Variants in PDE4D observed in about 807,000 individuals in gnomAD.
PDE4D encodes the protein phosphodiesterase 4D.
PDE4D carries 24 observed loss-of-function variants against 87.4 expected under a neutral mutation model. The ratio of observed to expected loss-of-function variants is 0.27; its 90% CI spans 0.20 to 0.39. The LOEUF (loss-of-function observed/expected upper bound fraction) is 0.39. Among genes scored for constraint, PDE4D ranks in the 10% least tolerant of loss-of-function variants. The pLI, the probability that PDE4D is intolerant of heterozygous loss-of-function variation, is 1.00. For synonymous variants in PDE4D, 384 were observed against 383.2 expected, an observed-to-expected ratio of 1.00 and a Z score of -0.02; for missense variants, 714 against 1,041.0, an observed-to-expected ratio of 0.69 and a Z score of 4.32.
intron 1 of PDE4D, among the ~76,000 whole-genome samples, chr5:60,194,142 A>G (rs1479035351): frequency 6.6e-6 from 1 of 151,322 alleles, no homozygotes; most frequent in Non-Finnish European, 1.5e-5. Context: ...AAGCTATTTG[A>G]AAAAAAATGT....
chr5:60,140,896 C>T (rs1582839654), intron 2 of PDE4D, among the ~76,000 whole-genome samples: 2 of 152,272 alleles, frequency 1.3e-5, no homozygotes, highest in Admixed American at 1.3e-4. Context: ...AAAACTCACT[C>T]ATGTGGGCTT....
At chr5:59,231,286 G>T (rs1755126594) in intron 1 of PDE4D, among the ~76,000 whole-genome samples, 1 of 152,146 alleles carries the variant, frequency 6.6e-6, no homozygotes, top group South Asian at 2.1e-4. Context: ...TCTGCTTGTT[G>T]TCTGCCATAT....
At chr5:60,215,462 C>A (rs192084625) in intron 1 of PDE4D, among the ~76,000 whole-genome samples, 2 of 152,136 alleles carry the variant, frequency 1.3e-5, no homozygotes, top group East Asian at 3.9e-4. Context: ...TTACCCCAAC[C>A]CTCAAGCAAA....
chr5:59,360,549 G>A (rs1019569669), intron 1 of PDE4D, among the ~76,000 whole-genome samples: 1 of 152,182 alleles, frequency 6.6e-6, no homozygotes, highest in Non-Finnish European at 1.5e-5. Flanking sequence ...CGGGGCTTGT[G>A]TACTCCTTAA....
intron 1 of PDE4D, among the ~76,000 whole-genome samples, chr5:60,245,737 C>T (rs1747681792): frequency 6.6e-6 from 1 of 151,638 alleles, no homozygotes; most frequent in Admixed American, 6.6e-5. Flanking sequence ...AACAATTGAA[C>T]TCATGGAGAT....
Position 59,903,587 on chromosome 5 carries a change from T to G in PDE4D, c.272+84901A>C, listed in dbSNP as rs559336703. On this transcript the variant is annotated intron_variant, in intron 3 of 16. Transcript: ENST00000502484. The stretch of plus-strand genomic sequence containing the variant: ...TGCAATTACTTTTGCACCAACCTAA[T>G]AAATTGACAACTACTACTTATTGGG... Among the ~76,000 whole-genome samples, 9 of 152,298 alleles carry G rather than the reference T, an allele frequency of 5.9e-5. No individual in the cohort carries two copies. In the East Asian group the frequency reaches 1.5e-3, roughly 26 times the overall value.
At chr5:59,907,306 T>C (rs984110490) in intron 3 of PDE4D, among the ~76,000 whole-genome samples, 1 of 152,122 alleles carries the variant, frequency 6.6e-6, no homozygotes, top group African/African-American at 2.4e-5. Flanking sequence ...TTCTTATTCA[T>C]TAGTGGTCGG....
At chr5:59,294,110 T>C (rs1304331916) in intron 1 of PDE4D, among the ~76,000 whole-genome samples, 1 of 152,170 alleles carries the variant, frequency 6.6e-6, no homozygotes, top group Admixed American at 6.6e-5. Flanking sequence ...CTTTGGATTA[T>C]GTAAAATTAA....
intron 5 of PDE4D, among the ~76,000 whole-genome samples, chr5:59,120,296 G>A (rs1244736055): frequency 6.6e-6 from 1 of 152,162 alleles, no homozygotes; most frequent in African/African-American, 2.4e-5. Context: ...TCAAGGTTGT[G>A]TCCTACCTTT....
intron 1 of PDE4D, among the ~76,000 whole-genome samples, chr5:60,397,450 G>A (rs1300596175): frequency 6.6e-6 from 1 of 152,220 alleles, no homozygotes; most frequent in Non-Finnish European, 1.5e-5. Flanking sequence ...ATGGAATCCT[G>A]TTCAGCCTTA....
chr5:59,859,541 G>A (rs939046703), intron 1 of PDE4D, among the ~76,000 whole-genome samples: 1 of 152,118 alleles, frequency 6.6e-6, no homozygotes, highest in African/African-American at 2.4e-5. Flanking sequence ...GTCTTTATAA[G>A]GTAAGATTAT....
chr5:59,968,371 T>A (rs1266678824), intron 3 of PDE4D, among the ~76,000 whole-genome samples: 1 of 152,036 alleles, frequency 6.6e-6, no homozygotes, highest in Admixed American at 6.6e-5. Flanking sequence ...AGCTAAGCAT[T>A]CAGCACACGT....
chr5:60,195,844 T>C (rs892904473), intron 1 of PDE4D, among the ~76,000 whole-genome samples: 7 of 151,724 alleles, frequency 4.6e-5, no homozygotes, highest in Non-Finnish European at 8.9e-5. Context: ...CACTTCTCTT[T>C]AAGTTATTCA....
At chr5:60,460,249 G>C in intron 1 of PDE4D, 2 of 1,168,638 alleles carry the variant, frequency 1.7e-6, no homozygotes, top group Non-Finnish European at 2.6e-6. Context: ...GGACTTTGAA[G>C]ATGGATCACC....
chr5:59,452,292 A>G (rs1030115092), intron 1 of PDE4D, among the ~76,000 whole-genome samples: 1 of 152,116 alleles, frequency 6.6e-6, no homozygotes, highest in Non-Finnish European at 1.5e-5. Context: ...CGCCTCTGCC[A>G]CTCCTATCAA....
chr5:59,737,391 C>T (rs1758223604), intron 1 of PDE4D, among the ~76,000 whole-genome samples: 1 of 151,994 alleles, frequency 6.6e-6, no homozygotes, highest in South Asian at 2.1e-4. Flanking sequence ...TGGACAGGCC[C>T]CTGAAATTTT....
In PDE4D at chr5:59,785,612, G is replaced by A. The variant is rs114880672; in HGVS notation, c.455+107556C>T. Among the ~76,000 whole-genome samples the A allele has an allele frequency of 1.4e-3, 211 of 152,334 alleles. 1 individual carries two copies. Among genetic ancestry groups the A allele is most frequent in the African/African-American group, 4.8e-3 (200 of 41,572 alleles). On this transcript the variant is annotated intron_variant, in intron 1 of 14. Transcript: ENST00000340635. ...GAAGAGGATGCTATGTACATGATTAGTGGACAGACAGGTGGCTGTTTTAAG... is the reference window on the plus strand; with the variant it reads ...GAAGAGGATGCTATGTACATGATTAATGGACAGACAGGTGGCTGTTTTAAG...
At chr5:59,507,664 C>CAAAAAAAAAAA (rs1284106865) in intron 1 of PDE4D, among the ~76,000 whole-genome samples, 3 of 79,790 alleles carry the variant, frequency 3.8e-5, no homozygotes, top group East Asian at 4.6e-4. Flanking sequence ...TACCCTGTCT[C>CAAAAAAAAAAA]AAAAAAAAAA....
chr5:60,096,650 T>C (rs1282554703), intron 2 of PDE4D, among the ~76,000 whole-genome samples: 1 of 152,106 alleles, frequency 6.6e-6, no homozygotes, highest in African/African-American at 2.4e-5. Context: ...CACACAGGAC[T>C]ATCTAGAAGG....
Sources: allele counts gnomAD v4.1 joint callset (sites outside exome capture counted in the v4.1 genomes callset), GRCh38; gene constraint gnomAD v4.1.1; transcripts MANE v1.5; gene names NCBI Gene and HGNC (gene_info 2026-07-23, HGNC 2026-07-21).